Variants in KNTC1 observed in about 807,000 individuals in gnomAD.
KNTC1 encodes kinetochore associated 1, also known as kinetochore-associated protein 1.
KNTC1 carries 253 observed loss-of-function variants against 314.4 expected under a neutral mutation model. That is an observed-to-expected ratio of 0.80 (90% CI 0.73 to 0.89). KNTC1 has a LOEUF of 0.89. KNTC1 is among the 40% of genes least tolerant of loss of function. The pLI, the probability that KNTC1 is intolerant of heterozygous loss-of-function variation, is 0.00. For missense variants in KNTC1, 2,475 were observed against 2,572.9 expected, an observed-to-expected ratio of 0.96 and a Z score of 0.82; for synonymous variants, 901 against 901.4, an observed-to-expected ratio of 1.00 and a Z score of 0.01.
At position 122,557,709 on chromosome 12, in the gene KNTC1, T is replaced by G; in HGVS notation, c.1488+20T>G. Reference sequence around the variant, plus strand: ...ACCAGGGTAGGTTCGTTTTTTTGTATTTTGTTTTTTTGGGGCAGGGGAGAA... The same window carrying G: ...ACCAGGGTAGGTTCGTTTTTTTGTAGTTTGTTTTTTTGGGGCAGGGGAGAA... On this transcript the variant is annotated intron_variant, in intron 18 of 63. Transcript: ENST00000333479. 1 of 1,571,956 alleles carries G rather than the reference T, an allele frequency of 6.4e-7. No homozygotes were observed. The highest frequency in any genetic ancestry group is 2.3e-5 in the East Asian group (1 of 44,308).
intron 55 of KNTC1, 119 bp downstream of exon 55, chr12:122,613,880 G>C: frequency 9.5e-7 from 1 of 1,053,632 alleles, no homozygotes; most frequent in Non-Finnish European, 1.3e-6. Context: ...TTGCTCTGTT[G>C]CCCAGGCTGG....
At chr12:122,594,959 C>A (rs149700749) in intron 43 of KNTC1, among the ~76,000 whole-genome samples, 1 of 152,114 alleles carries the variant, frequency 6.6e-6, no homozygotes, top group African/African-American at 2.4e-5. Flanking sequence ...CTCAGCTCAC[C>A]GCAGCCTCCA....
At chr12:122,564,686 G>A (rs935741675) in intron 20 of KNTC1, among the ~76,000 whole-genome samples, 3 of 151,580 alleles carry the variant, frequency 2.0e-5, no homozygotes, top group African/African-American at 4.8e-5. Flanking sequence ...TGTCCACGCC[G>A]GTCTTGAACT....
intron 24 of KNTC1, among the ~76,000 whole-genome samples, 169 bp downstream of exon 24, chr12:122,571,295 TTTTC>T (rs1453583216): frequency 2.0e-5 from 3 of 152,104 alleles, no homozygotes; most frequent in African/African-American, 4.8e-5. Flanking sequence ...AAAATTTGCT[TTTTC>T]TTTCTTTCTG....
intron 20 of KNTC1, among the ~76,000 whole-genome samples, chr12:122,568,017 A>G (rs1964456470): frequency 6.6e-6 from 1 of 152,160 alleles, no homozygotes; most frequent in Non-Finnish European, 1.5e-5. Context: ...TGTAGTGATT[A>G]TCTGAGGAGG....
chr12:122,618,654 A>C, intron 59 of KNTC1, 109 bp downstream of exon 59: 2 of 838,424 alleles, frequency 2.4e-6, no homozygotes, highest in Non-Finnish European at 3.9e-6. Context: ...GAAGTTAAGC[A>C]TAACACGTGT....
Position 122,609,112 on chromosome 12 carries a change from A to T in KNTC1, c.5497-272A>T, listed in dbSNP as rs561437480. 151 of 389,414 alleles carry T rather than the reference A, an allele frequency of 3.9e-4. 3 individuals carry two copies. The South Asian group carries it at 5.6e-3, about 15-fold the overall frequency. The allele number at this position is 389,414 out of a possible 1,614,324, so 24.1% of individuals were successfully genotyped here. On this transcript the variant is annotated intron_variant, in intron 51 of 63. Transcript: ENST00000333479. Reference sequence around the variant, plus strand: ...TCCAATGCATGTCAGCTCCAGGAGGACAGGAACATTTGCTTTATTTACTCA... The same window carrying T: ...TCCAATGCATGTCAGCTCCAGGAGGTCAGGAACATTTGCTTTATTTACTCA...
At chr12:122,561,655 T>C (rs889477756) in intron 18 of KNTC1, among the ~76,000 whole-genome samples, 8 of 151,974 alleles carry the variant, frequency 5.3e-5, no homozygotes, top group African/African-American at 1.9e-4. Context: ...GGTTTCACCA[T>C]GTTGCCCAGG....
At chr12:122,613,318 C>T in intron 54 of KNTC1, 88 bp downstream of exon 54, 5 of 883,072 alleles carry the variant, frequency 5.7e-6, no homozygotes, top group Non-Finnish European at 7.2e-6. Context: ...TTCAGAAGAG[C>T]ATAGTAGAGT....
chr12:122,582,765 C>T lies in KNTC1; in HGVS notation c.3043C>T (p.Leu1015Phe). The T allele has an allele frequency of 6.2e-7, 1 of 1,612,532 alleles. No individual in the cohort carries two copies. Among genetic ancestry groups the T allele is most frequent in the Non-Finnish European group, 8.5e-7 (1 of 1,179,548 alleles). ...TAGCAATAGTTCCCTGGTAGCAGAT[C>T]TCCGTGAGCAGCACATTAAAGCTCA... ...DYSNSSLVAD[L>F]REQHIKAHEV... The change falls in exon 34 of 64, where the codon CTC (leucine) becomes TTC (phenylalanine). Residue 1015 changes from leucine (L) to phenylalanine (F), a missense_variant. Leu to Phe is a conservative substitution (Grantham distance 22). Transcript: ENST00000333479.
At chr12:122,608,955 A>C (rs1486617511) in intron 51 of KNTC1, among the ~76,000 whole-genome samples, 2 of 152,140 alleles carry the variant, frequency 1.3e-5, no homozygotes, top group African/African-American at 2.4e-5. Context: ...GCTACTTAGG[A>C]GGCTGAGGCA....
intron 16 of KNTC1, among the ~76,000 whole-genome samples, chr12:122,552,380 G>C (rs1235618281): frequency 6.6e-6 from 1 of 152,028 alleles, no homozygotes; most frequent in African/African-American, 2.4e-5. Flanking sequence ...AGATGATGAT[G>C]ATGCAGAAGT....
chr12:122,621,881 A>T lies in KNTC1; in HGVS notation c.6280A>T (p.Asn2094Tyr), dbSNP rs755251263. Residue 2094 changes from asparagine to tyrosine, a missense_variant and splice_region_variant, in exon 61 of 64, where the codon AAT (asparagine) becomes TAT (tyrosine). By Grantham distance (143) the Asn-to-Tyr change is moderately radical. Coordinates refer to ENST00000333479, the MANE Select transcript of KNTC1 (RefSeq NM_014708.6). ...TAATTCTGCTTTGATTTTTCTCTAG[A>T]ATTTTCTGGGTTCCTGTGACCCTCA... ...HSEKRHQQIK[N>Y]FLGSCDPQVI... The T allele has an allele frequency of 1.3e-6, 2 of 1,580,264 alleles. No homozygotes were observed. Among genetic ancestry groups the T allele is most frequent in the Non-Finnish European group, 1.7e-6 (2 of 1,158,772 alleles).
At position 122,597,122 on chromosome 12, in the gene KNTC1, C is replaced by T. The variant is rs552687125; in HGVS notation, c.4356-609C>T. ...CCTTACTAACATGTATATTTTTCTT[C>T]TTAGGTGAAATTTGTAAATGTTGCA... is the stretch of plus-strand genomic sequence containing the variant. On this transcript the variant is annotated intron_variant, in intron 43 of 63. Coordinates refer to ENST00000333479, the MANE Select transcript of KNTC1 (RefSeq NM_014708.6). 3.7e-3 allele frequency: 557 copies of T among 152,036 alleles called. 6 individuals carry two copies. Among genetic ancestry groups the T allele is most frequent in the Admixed American group, 0.012 (184 of 15,274 alleles). The allele number at this position is 152,036 out of a possible 1,614,324, so 9.4% of individuals were successfully genotyped here. A position where few individuals can be genotyped will look rare whatever the true frequency, so the allele number is the denominator to read the frequency against.
intron 32 of KNTC1, among the ~76,000 whole-genome samples, chr12:122,580,239 C>T (rs930588344): frequency 3.9e-5 from 6 of 152,144 alleles, no homozygotes; most frequent in African/African-American, 9.7e-5. Context: ...CTTAGCGTCT[C>T]GCACTCATTG....
intron 33 of KNTC1, among the ~76,000 whole-genome samples, chr12:122,581,198 A>ATTT (rs34152519): frequency 2.2e-5 from 3 of 135,246 alleles, no homozygotes; most frequent in East Asian, 2.2e-4. Context: ...TGTGTTATTA[A>ATTT]TTTTTTTTTT....
At chr12:122,585,109 C>A in intron 36 of KNTC1, 119 bp downstream of exon 36, 1 of 639,054 alleles carries the variant, frequency 1.6e-6, no homozygotes, top group Non-Finnish European at 2.8e-6. Flanking sequence ...ATGATCAAGG[C>A]TTACTGCAGT....
At chr12:122,617,424 T>A (rs1873886712) in intron 57 of KNTC1, 1 of 451,672 alleles carries the variant, frequency 2.2e-6, no homozygotes, top group Non-Finnish European at 4.4e-6. Flanking sequence ...GGTCTTGCTA[T>A]GTTGCCTAGG....
intron 42 of KNTC1, among the ~76,000 whole-genome samples, chr12:122,591,831 A>G (rs1291320656): frequency 6.6e-6 from 1 of 152,230 alleles, no homozygotes; most frequent in African/African-American, 2.4e-5. Context: ...CCATGCTTCA[A>G]GAACTCCTAG....
Sources: gnomAD v4.1 joint callset for allele counts (sites outside exome capture counted in the v4.1 genomes callset) on GRCh38, gnomAD v4.1.1 for gene constraint, MANE v1.5 for transcripts, NCBI Gene and HGNC (gene_info 2026-07-23, HGNC 2026-07-21) for gene names.